The following VEGFC variants were observed in gnomAD, a reference collection of about 807,000 sequenced individuals.
VEGFC encodes the protein vascular endothelial growth factor C.
In VEGFC, 12 loss-of-function variants were observed where a neutral mutation model predicts 46.1. That is an observed-to-expected ratio of 0.26 (90% CI 0.17 to 0.42). The LOEUF (loss-of-function observed/expected upper bound fraction) is 0.42. VEGFC is among the 10% of genes least tolerant of loss of function. The pLI, the probability that VEGFC is intolerant of heterozygous loss-of-function variation, is 1.00. For synonymous variants in VEGFC, 232 were observed against 195.5 expected, an observed-to-expected ratio of 1.19 and a Z score of -1.56; for missense variants, 488 against 529.4, an observed-to-expected ratio of 0.92 and a Z score of 0.77.
At chr4:176,758,435 A>T (rs1212454588) in intron 1 of VEGFC, among the ~76,000 whole-genome samples, 1 of 152,184 alleles carries the variant, frequency 6.6e-6, no homozygotes, top group African/African-American at 2.4e-5. Context: ...AGTACCAAGC[A>T]TCAATCATAC....
chr4:176,779,761 G>T (rs11731467), intron 1 of VEGFC, among the ~76,000 whole-genome samples: 107,247 of 151,582 alleles, frequency 0.71, 43,937 homozygotes, highest in East Asian at 0.99. Flanking sequence ...AAGATAAAAG[G>T]CTCCCTATCG....
chr4:176,695,714 G>C (rs1004097478), intron 4 of VEGFC, among the ~76,000 whole-genome samples: 32 of 151,856 alleles, frequency 2.1e-4, no homozygotes, highest in Non-Finnish European at 3.8e-4. Flanking sequence ...GATGAACATT[G>C]ATGCAAAAAT....
intron 4 of VEGFC, among the ~76,000 whole-genome samples, chr4:176,692,551 G>C (rs1385239018): frequency 0.044 from 5,905 of 133,398 alleles, 1,992 homozygotes; most frequent in African/African-American, 0.21. Context: ...GGCTGGGGGA[G>C]GGACGCCCGC....
intron 4 of VEGFC, among the ~76,000 whole-genome samples, chr4:176,707,218 C>A (rs905187548): frequency 6.6e-6 from 1 of 152,152 alleles, no homozygotes; most frequent in South Asian, 2.1e-4. Flanking sequence ...GAAATATGTA[C>A]ATGTTAAATT....
intron 1 of VEGFC, among the ~76,000 whole-genome samples, chr4:176,775,551 G>A (rs1045468805): frequency 1.1e-4 from 17 of 152,150 alleles, no homozygotes; most frequent in African/African-American, 3.9e-4. Context: ...TATGCAAGCA[G>A]TTGTTGACAG....
chr4:176,780,530 A>G (rs1735898284), intron 1 of VEGFC, among the ~76,000 whole-genome samples: 1 of 152,172 alleles, frequency 6.6e-6, no homozygotes, highest in Non-Finnish European at 1.5e-5. Context: ...ATATTAATTT[A>G]TATCATTTCA....
intron 1 of VEGFC, among the ~76,000 whole-genome samples, chr4:176,762,697 T>C (rs1322544826): frequency 6.6e-6 from 1 of 152,152 alleles, no homozygotes. Context: ...TAAACATATG[T>C]GTGTCTGCAT....
intron 1 of VEGFC, among the ~76,000 whole-genome samples, chr4:176,781,628 GT>G (rs1276869480): frequency 1.3e-5 from 2 of 152,182 alleles, no homozygotes; most frequent in Non-Finnish European, 2.9e-5. Flanking sequence ...GGTCACTTCA[GT>G]TAAAACAGAG....
chr4:176,786,740 T>C (rs896534913), intron 1 of VEGFC, among the ~76,000 whole-genome samples: 1 of 152,218 alleles, frequency 6.6e-6, no homozygotes, highest in Non-Finnish European at 1.5e-5. Flanking sequence ...TAGTAAGAAC[T>C]GATTAACATG....
intron 1 of VEGFC, among the ~76,000 whole-genome samples, chr4:176,785,032 A>G (rs564729046): frequency 4.6e-5 from 7 of 152,142 alleles, no homozygotes; most frequent in Admixed American, 3.3e-4. Context: ...TGTGACTGAA[A>G]CAAGCAGAAA....
chr4:176,731,172 G>A (rs1379041769), intron 1 of VEGFC, among the ~76,000 whole-genome samples: 1 of 151,968 alleles, frequency 6.6e-6, no homozygotes, highest in Non-Finnish European at 1.5e-5. Flanking sequence ...GAGGTGGAGA[G>A]GAGATCTTAG....
intron 1 of VEGFC, among the ~76,000 whole-genome samples, chr4:176,790,548 C>A (rs1378720958): frequency 6.6e-6 from 1 of 152,098 alleles, no homozygotes; most frequent in Non-Finnish European, 1.5e-5. Context: ...CACACACACA[C>A]ACTCAAGGTA....
intron 4 of VEGFC, among the ~76,000 whole-genome samples, chr4:176,693,646 G>A (rs1202486636): frequency 2.0e-5 from 3 of 146,606 alleles, no homozygotes; most frequent in South Asian, 2.1e-4. Context: ...GATACTCCTC[G>A]AGAAGAGCAA....
Position 176,780,011 on chromosome 4 carries a change from A to G in VEGFC, c.147+12154T>C, listed in dbSNP as rs545548323. On this transcript the variant is annotated intron_variant, in intron 1 of 6. Coordinates refer to ENST00000618562, the MANE Select transcript of VEGFC (RefSeq NM_005429.5). ...AGAACGACAGCTCTTAAACATGTAC[A>G]TCTTTAACTGGAACTTGTTGCAGTT... is the stretch of plus-strand genomic sequence containing the variant. 1.8e-3 allele frequency among the ~76,000 whole-genome samples: 268 copies of G among 152,308 alleles called. 2 individuals are homozygous for G. The highest frequency in any genetic ancestry group is 6.3e-3 in the African/African-American group (260 of 41,576).
chr4:176,756,971 G>A (rs1046793247), intron 1 of VEGFC, among the ~76,000 whole-genome samples: 4 of 152,028 alleles, frequency 2.6e-5, no homozygotes, highest in African/African-American at 9.7e-5. Flanking sequence ...AATCAAGGAT[G>A]TTTGCTAGAT....
In VEGFC at chr4:176,745,382, G is replaced by A. The variant is rs1230834104; in HGVS notation, c.148-15636C>T. On this transcript the variant is annotated intron_variant, in intron 1 of 6. Transcript: ENST00000618562. ...CAGGCATTCCATGTGATTAGATCTC[G>A]GGAACACTCATTCAACAGCGCACAC... Among the ~76,000 whole-genome samples the A allele has an allele frequency of 2.6e-5, 4 of 151,908 alleles. No individual in the cohort carries two copies. The East Asian group carries it at 7.7e-4, about 29-fold the overall frequency.
intron 2 of VEGFC, among the ~76,000 whole-genome samples, chr4:176,729,309 G>A (rs954097657): frequency 1.3e-5 from 2 of 152,144 alleles, no homozygotes; most frequent in African/African-American, 4.8e-5. Flanking sequence ...ATAAATGTGT[G>A]TTGTTTATGC....
At chr4:176,693,601 C>T (rs1381704141) in intron 4 of VEGFC, among the ~76,000 whole-genome samples, 3 of 146,086 alleles carry the variant, frequency 2.1e-5, no homozygotes, top group South Asian at 4.2e-4. Context: ...GGCAGGCCAA[C>T]GTTCAGATTC....
At chr4:176,716,877 C>T (rs779396020) in intron 3 of VEGFC, among the ~76,000 whole-genome samples, 1,978 of 152,082 alleles carry the variant, frequency 0.013, 99 homozygotes, top group Admixed American at 0.094. Context: ...AATCATGATA[C>T]TATTGTCAGA....
Sources: gnomAD v4.1 joint callset for allele counts (sites outside exome capture counted in the v4.1 genomes callset) on GRCh38, gnomAD v4.1.1 for gene constraint, MANE v1.5 for transcripts, NCBI Gene and HGNC (gene_info 2026-07-23, HGNC 2026-07-21) for gene names.